The following DENND4C variants were observed in gnomAD, a reference collection of about 807,000 sequenced individuals.
DENND4C encodes the protein DENN domain-containing protein 4C.
DENND4C carries 108 observed loss-of-function variants against 203.0 expected under a neutral mutation model. That is an observed-to-expected ratio of 0.53 (90% CI 0.46 to 0.62). DENND4C has a LOEUF of 0.62. Among genes scored for constraint, DENND4C ranks in the 20% least tolerant of loss-of-function variants. The pLI, the probability that DENND4C is intolerant of heterozygous loss-of-function variation, is 0.00. For missense variants in DENND4C, 2,481 were observed against 2,301.2 expected (o/e 1.08, Z -1.60); for synonymous variants, 871 against 792.4 (o/e 1.10, Z -1.67).
At chr9:19,355,214 A>G (rs1030459408) in intron 26 of DENND4C, among the ~76,000 whole-genome samples, 1 of 152,060 alleles carries the variant, frequency 6.6e-6, no homozygotes, top group Non-Finnish European at 1.5e-5. Context: ...CTGGCCATTC[A>G]TTGCCTATTT....
At chr9:19,249,584 G>T (rs181252345) in intron 1 of DENND4C, among the ~76,000 whole-genome samples, 135 of 152,188 alleles carry the variant, frequency 8.9e-4, no homozygotes, top group Admixed American at 3.5e-3. Context: ...ACAAACACAA[G>T]AACTCCTTTC....
At chr9:19,352,321 T>TA in intron 25 of DENND4C, 139 bp downstream of exon 25, 1 of 1,030,120 alleles carries the variant, frequency 9.7e-7, no homozygotes, top group Admixed American at 2.8e-5. Flanking sequence ...CTTGATGTCT[T>TA]ATGTAAGTAA....
chr9:19,368,761 C>G (rs930861625), intron 30 of DENND4C, among the ~76,000 whole-genome samples: 10 of 152,090 alleles, frequency 6.6e-5, no homozygotes, highest in African/African-American at 2.2e-4. Flanking sequence ...GATTGCACGA[C>G]TTCACTCCAG....
intron 1 of DENND4C, among the ~76,000 whole-genome samples, chr9:19,256,562 G>A (rs563561559): frequency 3.3e-5 from 5 of 151,798 alleles, no homozygotes; most frequent in East Asian, 3.9e-4. Flanking sequence ...TGATCTGCCC[G>A]CCTCAGCCTT....
At chr9:19,238,249 A>G (rs1822538294) in intron 1 of DENND4C, among the ~76,000 whole-genome samples, 1 of 151,304 alleles carries the variant, frequency 6.6e-6, no homozygotes, top group Non-Finnish European at 1.5e-5. Context: ...TGCCCGGCTA[A>G]TATTGTATTT....
intron 9 of DENND4C, among the ~76,000 whole-genome samples, chr9:19,304,763 A>G (rs1185434476): frequency 2.2e-5 from 3 of 137,254 alleles, no homozygotes; most frequent in Non-Finnish European, 4.7e-5. Context: ...GTTAGCCAGG[A>G]TGGTCTCGAT....
At chr9:19,288,497 C>G in intron 3 of DENND4C, 99 bp from the exon 4 acceptor site, 2 of 665,868 alleles carry the variant, frequency 3.0e-6, no homozygotes, top group Non-Finnish European at 4.2e-6. Context: ...TTTAAATAGA[C>G]TCTTCTGAGT....
chr9:19,286,941 A>G lies in DENND4C; in HGVS notation c.478A>G (p.Ile160Val). 2.4e-6 allele frequency: 3 copies of G among 1,232,144 alleles called. No individual in the cohort carries two copies. The highest frequency in any genetic ancestry group is 3.0e-6 in the Non-Finnish European group (3 of 987,962). The allele number at this position is 1,232,144 out of a possible 1,614,324, so 76.3% of individuals were successfully genotyped here. ...RPQNSLAVTD[I>V]CVIVTSKGET... Reference sequence around the variant, plus strand: ...CCAGAATTCCTTGGCTGTAACTGATATCTGTGTTATTGTAACCAGTAAAGG... The same window carrying G: ...CCAGAATTCCTTGGCTGTAACTGATGTCTGTGTTATTGTAACCAGTAAAGG... Residue 160 changes from isoleucine (I) to valine (V), a missense_variant, in exon 3 of 33, where the codon ATC (isoleucine) becomes GTC (valine). By Grantham distance (29) the Ile-to-Val change is conservative. Transcript: ENST00000434457.
chr9:19,295,966 A>C, intron 5 of DENND4C, 42 bp from the exon 6 acceptor site: 1 of 1,456,580 alleles, frequency 6.9e-7, no homozygotes, highest in South Asian at 1.2e-5. Context: ...TAATTTTTTC[A>C]AACAAACTCA....
At chr9:19,296,570 G>A (rs1288257735) in intron 6 of DENND4C, among the ~76,000 whole-genome samples, 1 of 151,968 alleles carries the variant, frequency 6.6e-6, no homozygotes, top group Admixed American at 6.6e-5. Flanking sequence ...GGCCAGGCTG[G>A]TCTTGAACTC....
chr9:19,314,306 T>G (rs1383007508), intron 10 of DENND4C, among the ~76,000 whole-genome samples: 1 of 151,456 alleles, frequency 6.6e-6, no homozygotes, highest in African/African-American at 2.4e-5. Flanking sequence ...TACAAAAAAT[T>G]AGCTGGGTGT....
At chr9:19,236,386 G>C (rs1420054677) in intron 1 of DENND4C, among the ~76,000 whole-genome samples, 1 of 152,212 alleles carries the variant, frequency 6.6e-6, no homozygotes, top group Non-Finnish European at 1.5e-5. Context: ...ACAACTTGCT[G>C]TAAAAAGGCG....
At chr9:19,238,234 C>T (rs1353645867) in intron 1 of DENND4C, among the ~76,000 whole-genome samples, 3 of 151,824 alleles carry the variant, frequency 2.0e-5, no homozygotes, top group African/African-American at 7.2e-5. Context: ...AGGCATGCAC[C>T]ACCATGCCCG....
intron 16 of DENND4C, among the ~76,000 whole-genome samples, chr9:19,329,068 A>G (rs990805809): frequency 1.2e-4 from 18 of 152,312 alleles, no homozygotes; most frequent in African/African-American, 1.9e-4. Flanking sequence ...TAATTAAAAT[A>G]TAATTCATAT....
At position 19,357,461 on chromosome 9, in the gene DENND4C, A is replaced by T. The variant is rs1158301397; in HGVS notation, c.4964+307A>T. On this transcript the variant is annotated intron_variant, in intron 27 of 32. Transcript: ENST00000434457. ...AATGTTCTCTTTCTGTGAAATGTAC[A>T]CTTGGCCCTTAAATACTAATTGAAT... is the stretch of plus-strand genomic sequence containing the variant. 30 of 309,888 alleles carry T rather than the reference A, an allele frequency of 9.7e-5. No homozygotes were observed. The Admixed American group carries it at 1.4e-3, about 14-fold the overall frequency. The allele number at this position is 309,888 out of a possible 1,614,324, so 19.2% of individuals were successfully genotyped here.
chr9:19,320,850 C>G (rs192251300), intron 12 of DENND4C, among the ~76,000 whole-genome samples: 10 of 152,284 alleles, frequency 6.6e-5, no homozygotes, highest in Admixed American at 5.9e-4. Context: ...CCTGGATCCA[C>G]TAGAAGGAAA....
At chr9:19,316,237 G>C (rs1228754558) in intron 10 of DENND4C, among the ~76,000 whole-genome samples, 180 bp from the exon 11 acceptor site, 1 of 152,230 alleles carries the variant, frequency 6.6e-6, no homozygotes, top group Non-Finnish European at 1.5e-5. Context: ...AAATTTGACA[G>C]AGGTCGATTG....
intron 27 of DENND4C, 149 bp from the exon 28 acceptor site, chr9:19,357,816 T>A (rs945910995): frequency 1.6e-6 from 1 of 643,138 alleles, no homozygotes; most frequent in Non-Finnish European, 2.5e-6. Flanking sequence ...CAAAAATGGT[T>A]GAAGGAAATG....
intron 9 of DENND4C, among the ~76,000 whole-genome samples, chr9:19,304,678 A>T (rs966560734): frequency 6.7e-6 from 1 of 150,198 alleles, no homozygotes; most frequent in Non-Finnish European, 1.5e-5. Flanking sequence ...CTGGGACTAT[A>T]GGGGCCCACC....
Sources: allele counts gnomAD v4.1 joint callset (sites outside exome capture counted in the v4.1 genomes callset), GRCh38; gene constraint gnomAD v4.1.1; transcripts MANE v1.5; gene names NCBI Gene and HGNC (gene_info 2026-07-23, HGNC 2026-07-21).